Variants in TMEM65 observed in about 807,000 individuals in gnomAD.
TMEM65 encodes the protein transmembrane protein 65.
TMEM65 carries 22 observed loss-of-function variants against 25.4 expected under a neutral mutation model. The observed-to-expected ratio is 0.86, with a 90% confidence interval of 0.62 to 1.23. TMEM65 has a LOEUF of 1.23. Among genes scored for constraint, TMEM65 ranks in the 50% most tolerant of loss-of-function variants. The probability of loss-of-function intolerance (pLI) is 0.00; values close to 1 mark genes in which losing one functional copy is unlikely to be tolerated. For synonymous variants in TMEM65, 132 were observed against 126.2 expected (o/e 1.05, Z -0.31); for missense variants, 262 against 308.2 (o/e 0.85, Z 1.12).
At chr8:124,347,512 C>A (rs1018958812) in intron 1 of TMEM65, among the ~76,000 whole-genome samples, 2 of 152,118 alleles carry the variant, frequency 1.3e-5, no homozygotes, top group African/African-American at 4.8e-5. Context: ...GATGGGTACA[C>A]CAAAAGCCCA....
intron 1 of TMEM65, among the ~76,000 whole-genome samples, chr8:124,347,966 C>T (rs1420947686): frequency 6.6e-6 from 1 of 151,626 alleles, no homozygotes; most frequent in Non-Finnish European, 1.5e-5. Flanking sequence ...TCTCGGCTCA[C>T]CGCAACCTCT....
chr8:124,318,275 C>T (rs1318018578), intron 6 of TMEM65, among the ~76,000 whole-genome samples: 1 of 151,156 alleles, frequency 6.6e-6, no homozygotes, highest in Admixed American at 6.6e-5. Flanking sequence ...TGCAGCCTTC[C>T]AGAGGACCCA....
At chr8:124,359,577 A>T (rs1198402544) in intron 1 of TMEM65, among the ~76,000 whole-genome samples, 1 of 152,096 alleles carries the variant, frequency 6.6e-6, no homozygotes, top group Admixed American at 6.5e-5. Context: ...CCTCATCTAT[A>T]CTAAAAATAT....
At chr8:124,332,195 G>C (rs1814441047) in intron 1 of TMEM65, among the ~76,000 whole-genome samples, 1 of 152,112 alleles carries the variant, frequency 6.6e-6, no homozygotes, top group African/African-American at 2.4e-5. Flanking sequence ...TTCTAACTAA[G>C]AATACAGGAT....
intron 2 of TMEM65, among the ~76,000 whole-genome samples, chr8:124,329,836 G>GAT (rs1266523724): frequency 6.6e-6 from 1 of 151,816 alleles, no homozygotes; most frequent in East Asian, 1.9e-4. Flanking sequence ...ATAGTATACA[G>GAT]TATTATGAAC....
intron 6 of TMEM65, among the ~76,000 whole-genome samples, chr8:124,319,833 C>A (rs539964734): frequency 6.6e-6 from 1 of 152,078 alleles, no homozygotes; most frequent in African/African-American, 2.4e-5. Context: ...GTTCTTTAGA[C>A]CCCAACCTAT....
At chr8:124,330,680 T>C in intron 2 of TMEM65, 68 bp downstream of exon 2, 1 of 1,439,428 alleles carries the variant, frequency 6.9e-7, no homozygotes, top group Non-Finnish European at 9.6e-7. Context: ...GTGCTATCAA[T>C]GAATGATACA....
intron 1 of TMEM65, among the ~76,000 whole-genome samples, chr8:124,361,888 G>T (rs563522174): frequency 2.0e-5 from 3 of 151,518 alleles, no homozygotes; most frequent in African/African-American, 7.3e-5. Flanking sequence ...TTTTTTTGTC[G>T]GTTTTTTGGA....
At chr8:124,332,004 T>A (rs1403851074) in intron 1 of TMEM65, among the ~76,000 whole-genome samples, 1 of 151,064 alleles carries the variant, frequency 6.6e-6, no homozygotes, top group African/African-American at 2.4e-5. Flanking sequence ...ACTTTCATAG[T>A]ATTTAGAAAG....
chr8:124,327,457 G>T, intron 2 of TMEM65, 36 bp from the exon 3 acceptor site: 1 of 1,386,256 alleles, frequency 7.2e-7, no homozygotes, highest in South Asian at 1.3e-5. Context: ...TATATTTTAA[G>T]ATTTCTATAA....
intron 3 of TMEM65, among the ~76,000 whole-genome samples, chr8:124,324,412 C>T (rs1196592141): frequency 6.6e-6 from 1 of 151,968 alleles, no homozygotes; most frequent in African/African-American, 2.4e-5. Flanking sequence ...AGTCTTTTGT[C>T]CTGATGCACA....
At chr8:124,338,420 G>GT (rs1295430404) in intron 1 of TMEM65, among the ~76,000 whole-genome samples, 1 of 149,146 alleles carries the variant, frequency 6.7e-6, no homozygotes, top group African/African-American at 2.5e-5. Context: ...ATGTAAGGGT[G>GT]GTTTTTTTTT....
chr8:124,326,753 A>G (rs1430998218), intron 3 of TMEM65, among the ~76,000 whole-genome samples: 1 of 152,074 alleles, frequency 6.6e-6, no homozygotes, highest in African/African-American at 2.4e-5. Context: ...GGCCTTATAT[A>G]GTAGTAAGAA....
chr8:124,354,310 A>G (rs78995973), intron 1 of TMEM65, among the ~76,000 whole-genome samples: 6,426 of 152,274 alleles, frequency 0.042, 481 homozygotes, highest in African/African-American at 0.15. Flanking sequence ...AATTACTGAG[A>G]TAATTGGTGG....
intron 1 of TMEM65, among the ~76,000 whole-genome samples, chr8:124,345,090 T>C (rs1814626848): frequency 6.6e-6 from 1 of 152,218 alleles, no homozygotes; most frequent in South Asian, 2.1e-4. Context: ...TCTAATTTCA[T>C]ATGTAAACAC....
At chr8:124,356,800 C>G (rs982557216) in intron 1 of TMEM65, among the ~76,000 whole-genome samples, 1 of 138,038 alleles carries the variant, frequency 7.2e-6, no homozygotes, top group South Asian at 2.6e-4. Flanking sequence ...CTCTGCTTCC[C>G]AGGCTATAGT....
chr8:124,333,281 C>T (rs572862302), intron 1 of TMEM65, among the ~76,000 whole-genome samples: 1 of 151,944 alleles, frequency 6.6e-6, no homozygotes, highest in African/African-American at 2.4e-5. Context: ...GTATAACATC[C>T]CTGAAAATAG....
Position 124,323,385 on chromosome 8 carries a change from G to A in TMEM65, c.418-10C>T. 2 of 1,441,350 alleles carry A rather than the reference G, an allele frequency of 1.4e-6. No individual in the cohort carries two copies. The highest frequency in any genetic ancestry group is 1.9e-6 in the Non-Finnish European group (2 of 1,050,858). 89.3% of individuals were successfully genotyped at this position (1,441,350 alleles called of 1,614,324 possible). A position where few individuals can be genotyped will look rare whatever the true frequency, so the allele number is the denominator to read the frequency against. ...TTTCAATATGGGTTCCCTGAAATAT[G>A]ATAAAAAATTAATCTTAAAAATTAA... On this transcript the variant is annotated splice_polypyrimidine_tract_variant and intron_variant, in intron 3 of 6. Coordinates refer to ENST00000297632, the MANE Select transcript of TMEM65 (RefSeq NM_194291.3).
intron 1 of TMEM65, among the ~76,000 whole-genome samples, chr8:124,366,664 T>G (rs532889751): frequency 6.6e-6 from 1 of 152,262 alleles, no homozygotes; most frequent in East Asian, 1.9e-4. Context: ...ACATGTTATA[T>G]GTAAGTGATG....
Sources: gnomAD v4.1 joint callset for allele counts (sites outside exome capture counted in the v4.1 genomes callset) on GRCh38, gnomAD v4.1.1 for gene constraint, MANE v1.5 for transcripts, NCBI Gene and HGNC (gene_info 2026-07-23, HGNC 2026-07-21) for gene names.